NXPE2: variants seen among roughly 807,000 people sequenced by gnomAD.
The protein encoded by NXPE2 is neurexophilin and PC-esterase domain family member 2.
Under a neutral mutation model 34.4 loss-of-function variants are expected in NXPE2, and 34 were observed. The ratio of observed to expected loss-of-function variants is 0.99; its 90% confidence interval spans 0.75 to 1.31. NXPE2 has a LOEUF of 1.31. NXPE2 is among the 40% of genes most tolerant of loss of function. The pLI is 0.00. For synonymous variants in NXPE2, 235 were observed against 231.3 expected, an observed-to-expected ratio of 1.02 and a Z score of -0.15; for missense variants, 649 against 672.5, an observed-to-expected ratio of 0.97 and a Z score of 0.39.
At chr11:114,606,215 C>T in the NXPE2 span, among the ~76,000 whole-genome samples, 4 of 151,700 alleles carry the variant, frequency 2.6e-5, no homozygotes, top group Non-Finnish European at 5.9e-5. Context: ...ATACGTATTG[C>T]CTCATGGGTA....
the NXPE2 span, among the ~76,000 whole-genome samples, chr11:114,664,573 A>G: frequency 2.6e-5 from 4 of 152,200 alleles, no homozygotes; most frequent in Non-Finnish European, 4.4e-5. Flanking sequence ...CACACAGAAG[A>G]AAAGGAGCTC....
chr11:114,534,374 G>A, the NXPE2 span, among the ~76,000 whole-genome samples: 1 of 152,196 alleles, frequency 6.6e-6, no homozygotes, highest in Non-Finnish European at 1.5e-5. Flanking sequence ...AAAAATCAGA[G>A]CGCCTCTTCT....
chr11:114,602,368 T>C, the NXPE2 span, among the ~76,000 whole-genome samples: 3 of 127,714 alleles, frequency 2.3e-5, no homozygotes, highest in African/African-American at 5.8e-5. Context: ...TAATATGTTA[T>C]ATACAATATA....
chr11:114,469,696 T>C, the NXPE2 span, among the ~76,000 whole-genome samples: 1 of 151,998 alleles, frequency 6.6e-6, no homozygotes, highest in African/African-American at 2.4e-5. Context: ...TTTCACCATG[T>C]TGGCCAGGCT....
At chr11:114,578,222 T>G in the NXPE2 span, among the ~76,000 whole-genome samples, 1 of 152,136 alleles carries the variant, frequency 6.6e-6, no homozygotes, top group Non-Finnish European at 1.5e-5. Context: ...GTAGGGTGAG[T>G]TGGAAGAAAA....
At chr11:114,692,352 T>C (rs1466229524) in intron 2 of NXPE2, among the ~76,000 whole-genome samples, 1 of 152,184 alleles carries the variant, frequency 6.6e-6, no homozygotes. Context: ...CAGGGCTGTG[T>C]GGGTGCACCC....
chr11:114,571,109 A>G, the NXPE2 span: 2 of 1,614,036 alleles, frequency 1.2e-6, no homozygotes, highest in Non-Finnish European at 1.7e-6. Context: ...CATGAAAGTC[A>G]CTAAATCTTT....
chr11:114,536,121 A>G, the NXPE2 span, among the ~76,000 whole-genome samples: 4 of 152,160 alleles, frequency 2.6e-5, no homozygotes, highest in African/African-American at 9.6e-5. Context: ...ACTCAGGATT[A>G]AGAAACTCAC....
At chr11:114,717,387 C>T in the NXPE2 span, among the ~76,000 whole-genome samples, 3 of 152,100 alleles carry the variant, frequency 2.0e-5, no homozygotes, top group Non-Finnish European at 2.9e-5. Flanking sequence ...TGTCCCTGAA[C>T]GTGGAAATGG....
chr11:114,565,447 G>A, the NXPE2 span, among the ~76,000 whole-genome samples: 1 of 152,164 alleles, frequency 6.6e-6, no homozygotes, highest in Non-Finnish European at 1.5e-5. Context: ...CTGATGCTGC[G>A]AACAAGGCAC....
At chr11:114,466,306 ATC>A in the NXPE2 span, among the ~76,000 whole-genome samples, 1 of 152,164 alleles carries the variant, frequency 6.6e-6, no homozygotes, top group Non-Finnish European at 1.5e-5. Context: ...TGATTTTAAT[ATC>A]TCGATATTTG....
intron 3 of NXPE2, among the ~76,000 whole-genome samples, chr11:114,700,420 G>A (rs1023294406): frequency 2.0e-5 from 3 of 152,064 alleles, no homozygotes; most frequent in South Asian, 2.1e-4. Flanking sequence ...GTGAATTTTC[G>A]GGAAACAGCA....
chr11:114,776,420 C>T, the NXPE2 span, among the ~76,000 whole-genome samples: 12 of 152,246 alleles, frequency 7.9e-5, no homozygotes, highest in African/African-American at 4.8e-5. Context: ...TTGCGTGAAG[C>T]GCAGGAAGTT....
At position 114,697,861 on chromosome 11, in the gene NXPE2, G is replaced by A. The variant is rs1356425; in HGVS notation, c.133-184G>A. ...TCCTAAAGAAAACCATCTGCTGGCA[G>A]CAGAGGAAGTCATACTACATGGAAA... On this transcript the variant is annotated intron_variant, in intron 2 of 5. Transcript: ENST00000389586. Among the ~76,000 whole-genome samples the A allele has an allele frequency of 3.8e-3, 580 of 152,280 alleles. 2 individuals carry two copies. Among genetic ancestry groups the A allele is most frequent in the Non-Finnish European group, 6.7e-3 (453 of 68,026 alleles).
At chr11:114,587,173 C>G in the NXPE2 span, among the ~76,000 whole-genome samples, 1 of 152,142 alleles carries the variant, frequency 6.6e-6, no homozygotes, top group African/African-American at 2.4e-5. Context: ...CAAGAAAACT[C>G]TGTCTTCAAC....
intron 5 of NXPE2, among the ~76,000 whole-genome samples, 172 bp from the exon 6 acceptor site, chr11:114,706,223 A>G (rs1419241159): frequency 6.6e-6 from 1 of 152,096 alleles, no homozygotes; most frequent in African/African-American, 2.4e-5. Flanking sequence ...TTCTCATAAC[A>G]AGTTCAATAT....
chr11:114,588,924 T>G, the NXPE2 span, among the ~76,000 whole-genome samples: 4 of 152,060 alleles, frequency 2.6e-5, no homozygotes, highest in Non-Finnish European at 1.5e-5. Context: ...TAGGGCCAGA[T>G]AGCATTTTGG....
At chr11:114,621,616 G>A in the NXPE2 span, among the ~76,000 whole-genome samples, 1 of 150,666 alleles carries the variant, frequency 6.6e-6, no homozygotes, top group African/African-American at 2.4e-5. Context: ...TAACCACTGT[G>A]ACCCAGTGGA....
At chr11:114,513,152 C>T in the NXPE2 span, 4 of 554,722 alleles carry the variant, frequency 7.2e-6, no homozygotes, top group Non-Finnish European at 1.5e-5. Context: ...CAGGAAATCC[C>T]TGCCATATTG....
Sources: gnomAD v4.1 joint callset for allele counts (sites outside exome capture counted in the v4.1 genomes callset) on GRCh38, gnomAD v4.1.1 for gene constraint, MANE v1.5 for transcripts, NCBI Gene and HGNC (gene_info 2026-07-23, HGNC 2026-07-21) for gene names.